Variants in UBR3 observed in about 807,000 individuals in gnomAD.
The protein encoded by UBR3 is E3 ubiquitin-protein ligase UBR3.
Under a neutral mutation model 243.2 loss-of-function variants are expected in UBR3, and 85 were observed. The observed-to-expected ratio is 0.35, with a 90% CI of 0.29 to 0.42. The LOEUF is 0.42. Among genes scored for constraint, UBR3 ranks in the 10% least tolerant of loss-of-function variants. UBR3 has a pLI of 1.00. For missense variants in UBR3, 1,686 were observed against 2,300.8 expected (o/e 0.73, Z 5.47); for synonymous variants, 748 against 799.8 (o/e 0.94, Z 1.09).
intron 1 of UBR3, among the ~76,000 whole-genome samples, chr2:169,846,635 A>T (rs1218114056): frequency 6.6e-6 from 1 of 150,744 alleles, no homozygotes; most frequent in Admixed American, 6.7e-5. Context: ...GCTTGAACCC[A>T]GGAGGTGGAG....
chr2:170,042,688 C>CA (rs59694680), intron 32 of UBR3, among the ~76,000 whole-genome samples: 70,891 of 91,580 alleles, frequency 0.77, 28,389 homozygotes, highest in South Asian at 0.89. Flanking sequence ...TACTCTGCCT[C>CA]AAAAAAAAAA....
intron 30 of UBR3, among the ~76,000 whole-genome samples, chr2:170,026,682 C>A (rs11890683): frequency 2.0e-5 from 3 of 152,098 alleles, no homozygotes; most frequent in Admixed American, 1.3e-4. Context: ...ATATGTGGAC[C>A]AAACTTTAGA....
Position 169,890,979 on chromosome 2 carries a change from G to A in UBR3, c.1039-186G>A, listed in dbSNP as rs557919337. On this transcript the variant is annotated intron_variant, in intron 5 of 38. Transcript: ENST00000272793. Reference sequence around the variant, plus strand: ...GAGCTCTTGTGTTTTGATATTTAGGGATATTTCACTGTATTTTAAAATCAA... The same window carrying A: ...GAGCTCTTGTGTTTTGATATTTAGGAATATTTCACTGTATTTTAAAATCAA... 2.7e-5 allele frequency among the ~76,000 whole-genome samples: 4 copies of A among 150,872 alleles called. No individual in the cohort carries two copies. The South Asian group carries it at 6.3e-4, about 24-fold the overall frequency.
intron 1 of UBR3, among the ~76,000 whole-genome samples, chr2:169,852,368 G>C (rs1239783837): frequency 2.0e-5 from 3 of 152,188 alleles, no homozygotes; most frequent in African/African-American, 7.2e-5. Context: ...TTTGGAACGT[G>C]AGGTTGGCAA....
intron 6 of UBR3, among the ~76,000 whole-genome samples, chr2:169,891,840 A>G (rs2084390101): frequency 6.6e-6 from 1 of 152,188 alleles, no homozygotes; most frequent in African/African-American, 2.4e-5. Flanking sequence ...CTAAATTCAT[A>G]TCCCAGAGCC....
At chr2:169,922,903 CAT>C (rs1429139256) in intron 11 of UBR3, among the ~76,000 whole-genome samples, 1 of 151,994 alleles carries the variant, frequency 6.6e-6, no homozygotes, top group East Asian at 1.9e-4. Flanking sequence ...GGGATGGTGA[CAT>C]ATTTAGACTC....
intron 35 of UBR3, among the ~76,000 whole-genome samples, chr2:170,065,619 T>G (rs2105450362): frequency 6.6e-6 from 1 of 152,272 alleles, no homozygotes; most frequent in South Asian, 2.1e-4. Flanking sequence ...GAGCATTTTT[T>G]TTTATAAAGC....
intron 2 of UBR3, among the ~76,000 whole-genome samples, chr2:169,874,394 T>G (rs2083531619): frequency 6.6e-6 from 1 of 152,142 alleles, no homozygotes; most frequent in Non-Finnish European, 1.5e-5. Context: ...GGTCTCAAAC[T>G]CCTGACCTCA....
intron 30 of UBR3, among the ~76,000 whole-genome samples, chr2:170,023,267 C>T (rs895894444): frequency 1.3e-5 from 2 of 152,046 alleles, no homozygotes; most frequent in Non-Finnish European, 2.9e-5. Flanking sequence ...GTCACCTTGC[C>T]TGGCTGAGGT....
intron 35 of UBR3, among the ~76,000 whole-genome samples, chr2:170,072,643 C>T (rs954442332): frequency 6.6e-6 from 1 of 151,858 alleles, no homozygotes; most frequent in African/African-American, 2.4e-5. Flanking sequence ...ATTTGAAGGA[C>T]TAATTATATC....
intron 5 of UBR3, among the ~76,000 whole-genome samples, chr2:169,881,683 T>TAC (rs201521270): frequency 0.045 from 6,238 of 137,728 alleles, 239 homozygotes; most frequent in East Asian, 0.12. Flanking sequence ...TATATATATA[T>TAC]ACACATATAT....
chr2:169,948,753 T>G lies in UBR3; in HGVS notation c.3085-852T>G, dbSNP rs1464564580. ...ATTTAACTCACAAAAGCTCAACTGATATTACAGCATCCTTTCTATGCTCGC... is the reference window on the plus strand; with the variant it reads ...ATTTAACTCACAAAAGCTCAACTGAGATTACAGCATCCTTTCTATGCTCGC... On this transcript the variant is annotated intron_variant, in intron 22 of 38. Transcript: ENST00000272793. Among the ~76,000 whole-genome samples, 4 of 152,030 alleles carry G rather than the reference T, an allele frequency of 2.6e-5. No individual in the cohort carries two copies. In the East Asian group the frequency reaches 7.7e-4, roughly 29 times the overall value.
chr2:169,853,714 T>C (rs1321399033), intron 1 of UBR3, among the ~76,000 whole-genome samples: 1 of 152,094 alleles, frequency 6.6e-6, no homozygotes, highest in East Asian at 1.9e-4. Flanking sequence ...CCTCCCAAAG[T>C]GCTGGGATTA....
intron 1 of UBR3, among the ~76,000 whole-genome samples, chr2:169,853,676 C>T (rs948832757): frequency 6.6e-6 from 1 of 152,126 alleles, no homozygotes; most frequent in East Asian, 1.9e-4. Flanking sequence ...TCACCATCTC[C>T]TGACCTCGGG....
intron 27 of UBR3, among the ~76,000 whole-genome samples, chr2:170,004,926 AAAAG>A (rs1224356111): frequency 2.6e-5 from 4 of 151,580 alleles, no homozygotes; most frequent in Non-Finnish European, 4.4e-5. Flanking sequence ...CAAACAAACA[AAAAG>A]AAAGAGAACA....
chr2:170,027,909 AAACTT>A (rs2090572294), intron 30 of UBR3, among the ~76,000 whole-genome samples: 1 of 151,942 alleles, frequency 6.6e-6, no homozygotes, highest in Non-Finnish European at 1.5e-5. Flanking sequence ...GAAATTTGGG[AAACTT>A]AACTTGCCTC....
chr2:169,980,765 C>T (rs1242175005), intron 24 of UBR3, among the ~76,000 whole-genome samples: 5 of 112,502 alleles, frequency 4.4e-5, no homozygotes, highest in Admixed American at 2.6e-4. Context: ...TATCCCTCCC[C>T]CCTCCCCCCT....
intron 32 of UBR3, among the ~76,000 whole-genome samples, chr2:170,044,725 C>T (rs1362317962): frequency 6.6e-6 from 1 of 152,110 alleles, no homozygotes; most frequent in Non-Finnish European, 1.5e-5. Context: ...AGTAGGCAGG[C>T]CGGACACTTC....
intron 35 of UBR3, among the ~76,000 whole-genome samples, chr2:170,063,706 T>G (rs983780545): frequency 2.0e-5 from 3 of 152,198 alleles, no homozygotes; most frequent in African/African-American, 2.4e-5. Context: ...TCCAGCATAT[T>G]CATGCTGTCA....
Sources: allele counts gnomAD v4.1 joint callset (sites outside exome capture counted in the v4.1 genomes callset), GRCh38; gene constraint gnomAD v4.1.1; transcripts MANE v1.5; gene names NCBI Gene and HGNC (gene_info 2026-07-23, HGNC 2026-07-21).